FOCAD: variants seen among roughly 807,000 people sequenced by gnomAD.
FOCAD encodes focadhesin, also known as KIAA1797.
A neutral mutation model predicts 225.6 loss-of-function variants in FOCAD; 198 were observed. The ratio of observed to expected loss-of-function variants is 0.88; its 90% CI spans 0.78 to 0.99. The LOEUF (loss-of-function observed/expected upper bound fraction) is 0.99. Ranked by LOEUF, FOCAD falls within the 50% of genes least tolerant of loss-of-function variation. The pLI is 0.00. For synonymous variants in FOCAD, 897 were observed against 755.0 expected (o/e 1.19, Z -3.08); for missense variants, 2,713 against 2,123.6 (o/e 1.28, Z -5.46).
Position 20,912,849 on chromosome 9 carries a change from T to A in FOCAD, c.2719-17T>A, listed in dbSNP as rs1251470416. 3.1e-6 allele frequency: 5 copies of A among 1,605,628 alleles called. No individual in the cohort carries two copies. The highest frequency in any genetic ancestry group is 4.3e-6 in the Non-Finnish European group (5 of 1,172,746). On this transcript the variant is annotated splice_polypyrimidine_tract_variant and intron_variant, in intron 22 of 43. Transcript: ENST00000338382. ...GCCATCGAGTTCACATGCTGATTTA[T>A]GCTGTGATTTTTGCAGGGAAGACTA...
Position 20,758,224 on chromosome 9 carries a change from G to A in FOCAD, c.494+33G>A, listed in dbSNP as rs761941626. 2.7e-6 allele frequency: 4 copies of A among 1,508,244 alleles called. No homozygotes were observed. The African/African-American group carries it at 4.2e-5, about 16-fold the overall frequency. 93.4% of individuals were successfully genotyped at this position (1,508,244 alleles called of 1,614,324 possible). On this transcript the variant is annotated intron_variant, in intron 6 of 43. Coordinates refer to ENST00000338382, the MANE Select transcript of FOCAD (RefSeq NM_001375567.1). ...AAAATAAAAGTGTAAAATAAAGTGA[G>A]GGAGACAGAATGGTATATGCTAATT...
intron 25 of FOCAD, 92 bp from the exon 26 acceptor site, chr9:20,926,209 G>T: frequency 1.3e-6 from 1 of 769,592 alleles, no homozygotes; most frequent in Non-Finnish European, 2.2e-6. Flanking sequence ...GCACTTTATT[G>T]TTTAATATAG....
chr9:20,698,228 G>A (rs1042231932), intron 1 of FOCAD, among the ~76,000 whole-genome samples: 8 of 151,916 alleles, frequency 5.3e-5, no homozygotes, highest in East Asian at 3.8e-4. Flanking sequence ...TAGCAAAGGC[G>A]GAATACAGTA....
intron 4 of FOCAD, among the ~76,000 whole-genome samples, chr9:20,731,750 C>T (rs181598041): frequency 2.0e-5 from 3 of 152,008 alleles, no homozygotes; most frequent in Admixed American, 1.3e-4. Context: ...CCCAAGTTGC[C>T]GGGACTACAG....
chr9:20,802,331 A>C (rs1423584330), intron 11 of FOCAD, among the ~76,000 whole-genome samples: 2 of 152,102 alleles, frequency 1.3e-5, no homozygotes, highest in Admixed American at 6.5e-5. Flanking sequence ...TATATTGGAG[A>C]ATCAAATAGC....
intron 22 of FOCAD, among the ~76,000 whole-genome samples, chr9:20,911,907 A>C (rs1027802087): frequency 1.3e-5 from 2 of 152,154 alleles, no homozygotes; most frequent in Non-Finnish European, 2.9e-5. Flanking sequence ...AGAATAGAAA[A>C]ATCCTGATAG....
chr9:20,914,101 C>CAA (rs35856539), intron 23 of FOCAD, among the ~76,000 whole-genome samples: 54 of 128,154 alleles, frequency 4.2e-4, no homozygotes, highest in Middle Eastern at 4.1e-3. Flanking sequence ...TCTGTCTTTC[C>CAA]AAAAAAAAAA....
chr9:20,817,015 T>C (rs1823795010), intron 11 of FOCAD, among the ~76,000 whole-genome samples: 1 of 152,176 alleles, frequency 6.6e-6, no homozygotes, highest in East Asian at 1.9e-4. Context: ...GGTGTGCGTA[T>C]CTGTGTGTCT....
chr9:20,978,860 C>A (rs766420439), intron 37 of FOCAD, among the ~76,000 whole-genome samples: 3 of 152,138 alleles, frequency 2.0e-5, no homozygotes, highest in Non-Finnish European at 4.4e-5. Flanking sequence ...TCCCCTTTCC[C>A]AGAGGAGGCA....
intron 2 of FOCAD, among the ~76,000 whole-genome samples, chr9:20,673,419 C>T (rs1364189614): frequency 1.3e-5 from 2 of 152,072 alleles, no homozygotes; most frequent in Admixed American, 6.6e-5. Flanking sequence ...TTCTCTGCAT[C>T]GGCATCATTT....
chr9:20,660,283 T>A (rs2131252983), intron 2 of FOCAD, among the ~76,000 whole-genome samples: 1 of 152,338 alleles, frequency 6.6e-6, no homozygotes, highest in African/African-American at 2.4e-5. Context: ...ATGTCACATA[T>A]CCTTACAATG....
intron 10 of FOCAD, among the ~76,000 whole-genome samples, chr9:20,782,458 A>G (rs748724145): frequency 2.0e-5 from 3 of 152,112 alleles, no homozygotes; most frequent in Non-Finnish European, 4.4e-5. Flanking sequence ...CTGGAAGACA[A>G]CAGGCCTGCC....
At chr9:20,809,964 A>T (rs185404401) in intron 11 of FOCAD, among the ~76,000 whole-genome samples, 125 of 152,304 alleles carry the variant, frequency 8.2e-4, no homozygotes, top group African/African-American at 2.9e-3. Context: ...AAAATGTGGA[A>T]TGATCCTGGT....
At chr9:20,904,237 T>C (rs949132870) in intron 21 of FOCAD, among the ~76,000 whole-genome samples, 22 of 152,152 alleles carry the variant, frequency 1.4e-4, no homozygotes, top group Non-Finnish European at 1.3e-4. Context: ...ATGGATTTGT[T>C]TGAATACCTG....
chr9:20,778,406 G>C (rs1456617511), intron 8 of FOCAD, among the ~76,000 whole-genome samples: 1 of 152,044 alleles, frequency 6.6e-6, no homozygotes, highest in Non-Finnish European at 1.5e-5. Context: ...TTTTTTGATA[G>C]AGACGGGGTT....
intron 5 of FOCAD, among the ~76,000 whole-genome samples, chr9:20,747,946 A>T (rs1038851929): frequency 3.3e-5 from 5 of 151,262 alleles, no homozygotes; most frequent in Non-Finnish European, 7.4e-5. Context: ...ACATTTCATT[A>T]TTACATTTAC....
chr9:20,923,744 C>T lies in FOCAD; in HGVS notation c.2937C>T (p.Ser979=). Residue 979 remains serine (S), a synonymous_variant, in exon 25 of 44, where the codon TCC becomes TCT. Coordinates refer to ENST00000338382, the MANE Select transcript of FOCAD (RefSeq NM_001375567.1). The stretch of plus-strand genomic sequence containing the variant: ...TATCTAGACATGAAGCCAGCCTCTC[C>T]TCAGACTCTGACGGGCTCCTGGAGG... ...VVVSRHEASL[S]SDSDGLLEVQ... The T allele has an allele frequency of 6.2e-7, 1 of 1,613,904 alleles. No homozygotes were observed. Among genetic ancestry groups the T allele is most frequent in the Non-Finnish European group, 8.5e-7 (1 of 1,179,860 alleles).
chr9:20,689,668 C>A (rs546209753), intron 1 of FOCAD, among the ~76,000 whole-genome samples: 1 of 151,790 alleles, frequency 6.6e-6, no homozygotes, highest in Non-Finnish European at 1.5e-5. Context: ...AGTGAGAGAG[C>A]GAGTAAAGAT....
chr9:20,949,581 G>C, intron 32 of FOCAD, 23 bp from the exon 33 acceptor site: 1 of 1,153,748 alleles, frequency 8.7e-7, no homozygotes, highest in Non-Finnish European at 1.2e-6. Context: ...GGGTGGGATG[G>C]GTATTTCTTC....
Sources: allele counts gnomAD v4.1 joint callset (sites outside exome capture counted in the v4.1 genomes callset), GRCh38; gene constraint gnomAD v4.1.1; transcripts MANE v1.5; gene names NCBI Gene and HGNC (gene_info 2026-07-23, HGNC 2026-07-21).